Variants in MEIKIN observed in about 807,000 individuals in gnomAD.
MEIKIN encodes the protein meiotic kinetochore factor.
chr5:131,907,390 G>C lies in MEIKIN; in HGVS notation c.703+4425C>G, dbSNP rs139093303. Among the ~76,000 whole-genome samples, 772 of 151,110 alleles carry C rather than the reference G, an allele frequency of 5.1e-3. 4 individuals are homozygous for C. The highest frequency in any genetic ancestry group is 0.017 in the African/African-American group (707 of 40,996). ...CAATGAAACAAAAAATTGGTTTCTT[G>C]TAAAAAAAAAACTGACAAACCTGTA... On this transcript the variant is annotated intron_variant, in intron 8 of 12. Transcript: ENST00000442687.
chr5:131,811,679 T>C (rs1772959250), intron 12 of MEIKIN, among the ~76,000 whole-genome samples: 1 of 152,020 alleles, frequency 6.6e-6, no homozygotes, highest in African/African-American at 2.4e-5. Context: ...CGATCTCGGC[T>C]CACTGCCAGC....
At chr5:131,846,455 A>C (rs1750024814) in intron 11 of MEIKIN, among the ~76,000 whole-genome samples, 1 of 152,262 alleles carries the variant, frequency 6.6e-6, no homozygotes, top group East Asian at 1.9e-4. Flanking sequence ...AATTTAAAAA[A>C]TAATTATTGG....
chr5:131,836,198 C>T (rs1018009616), intron 11 of MEIKIN, among the ~76,000 whole-genome samples: 4 of 152,306 alleles, frequency 2.6e-5, no homozygotes, highest in African/African-American at 9.6e-5. Flanking sequence ...CCTCCAGCTC[C>T]ATCCATGTTC....
intron 12 of MEIKIN, among the ~76,000 whole-genome samples, chr5:131,815,511 G>C (rs1773086337): frequency 6.6e-6 from 1 of 152,172 alleles, no homozygotes; most frequent in African/African-American, 2.4e-5. Flanking sequence ...AGAGGTCTTA[G>C]TTCCAAAGGG....
Position 131,907,431 on chromosome 5 carries a change from A to C in MEIKIN, c.703+4384T>G, listed in dbSNP as rs558856378. On this transcript the variant is annotated intron_variant, in intron 8 of 12. Transcript: ENST00000442687. ...CAAACCTGTAGCCAGACTAAGAAAC[A>C]AGAGAGAAAACCCAATTAAATAAAA... Among the ~76,000 whole-genome samples, 4 of 152,066 alleles carry C rather than the reference A, an allele frequency of 2.6e-5. No homozygotes were observed. The South Asian group carries it at 8.3e-4, about 32-fold the overall frequency.
At chr5:131,873,620 A>T (rs1188305711) in intron 9 of MEIKIN, among the ~76,000 whole-genome samples, 2 of 152,212 alleles carry the variant, frequency 1.3e-5, no homozygotes, top group Non-Finnish European at 2.9e-5. Flanking sequence ...GATACCGAGG[A>T]ATTGAACTCA....
At chr5:131,904,207 C>G (rs777276750) in intron 8 of MEIKIN, among the ~76,000 whole-genome samples, 11 of 152,078 alleles carry the variant, frequency 7.2e-5, no homozygotes, top group Non-Finnish European at 1.5e-4. Context: ...TTTAGAAAAC[C>G]ACAGAATAAT....
intron 9 of MEIKIN, among the ~76,000 whole-genome samples, chr5:131,868,467 A>G (rs985594772): frequency 1.3e-5 from 2 of 152,070 alleles, no homozygotes; most frequent in Admixed American, 6.5e-5. Context: ...TGCCTTTTGT[A>G]TATCTTCTTT....
At chr5:131,933,698 T>A (rs1403834795) in intron 4 of MEIKIN, 57 bp from the exon 5 acceptor site, 1 of 395,798 alleles carries the variant, frequency 2.5e-6, no homozygotes, top group African/African-American at 2.1e-5. Context: ...CAATGTGAAA[T>A]CCTAAAAATT....
At chr5:131,836,973 C>T (rs1749819734) in intron 11 of MEIKIN, among the ~76,000 whole-genome samples, 1 of 151,674 alleles carries the variant, frequency 6.6e-6, no homozygotes, top group African/African-American at 2.4e-5. Flanking sequence ...TTTGCCTGTT[C>T]CTATGTCTCC....
At chr5:131,893,056 G>T (rs1750960987) in intron 8 of MEIKIN, among the ~76,000 whole-genome samples, 1 of 152,240 alleles carries the variant, frequency 6.6e-6, no homozygotes, top group Admixed American at 6.5e-5. Flanking sequence ...AAATGCTGCT[G>T]TCTGATCGTT....
At chr5:131,850,106 GAA>G (rs1580871717) in intron 11 of MEIKIN, among the ~76,000 whole-genome samples, 2 of 148,976 alleles carry the variant, frequency 1.3e-5, no homozygotes, top group Non-Finnish European at 3.0e-5. Context: ...GCATCCAAAA[GAA>G]TATTTAGGAA....
At chr5:131,816,733 A>C (rs560048038) in intron 12 of MEIKIN, among the ~76,000 whole-genome samples, 1 of 152,126 alleles carries the variant, frequency 6.6e-6, no homozygotes, top group African/African-American at 2.4e-5. Context: ...ATTCCCTACC[A>C]CTATGCTGAT....
intron 11 of MEIKIN, among the ~76,000 whole-genome samples, chr5:131,825,439 G>A (rs138645942): frequency 6.4e-4 from 98 of 152,224 alleles, no homozygotes; most frequent in African/African-American, 2.2e-3. Context: ...AAAGACATAG[G>A]GCCAAAACAA....
At chr5:131,828,968 T>A (rs1377389042) in intron 11 of MEIKIN, among the ~76,000 whole-genome samples, 1 of 152,076 alleles carries the variant, frequency 6.6e-6, no homozygotes, top group Non-Finnish European at 1.5e-5. Context: ...AAACCAGTAC[T>A]AAGCAATGTA....
intron 7 of MEIKIN, among the ~76,000 whole-genome samples, chr5:131,912,183 A>AG: frequency 6.6e-6 from 1 of 152,100 alleles, no homozygotes; most frequent in East Asian, 1.9e-4. Flanking sequence ...GCCTTTGGAA[A>AG]GCTACTTAGC....
intron 9 of MEIKIN, among the ~76,000 whole-genome samples, chr5:131,877,365 G>T (rs1160700491): frequency 6.6e-6 from 1 of 152,138 alleles, no homozygotes; most frequent in African/African-American, 2.4e-5. Context: ...CCAGATTCCA[G>T]CTGGGCATGA....
intron 9 of MEIKIN, among the ~76,000 whole-genome samples, chr5:131,861,623 T>C (rs1363120445): frequency 6.6e-6 from 1 of 152,224 alleles, no homozygotes; most frequent in Non-Finnish European, 1.5e-5. Context: ...TAAGGTATGT[T>C]CTTTCTATGC....
At chr5:131,844,572 A>G (rs1341108546) in intron 11 of MEIKIN, among the ~76,000 whole-genome samples, 7 of 152,302 alleles carry the variant, frequency 4.6e-5, no homozygotes, top group Admixed American at 3.9e-4. Flanking sequence ...AGAGAGCTAC[A>G]TACAGAGAGA....
Sources: gnomAD v4.1 joint callset for allele counts (sites outside exome capture counted in the v4.1 genomes callset) on GRCh38, gnomAD v4.1.1 for gene constraint, MANE v1.5 for transcripts, NCBI Gene and HGNC (gene_info 2026-07-23, HGNC 2026-07-21) for gene names.